The following ACSF3 variants were observed in gnomAD, a reference collection of about 807,000 sequenced individuals.
ACSF3 encodes malonate--CoA ligase ACSF3, mitochondrial.
ACSF3 carries 78 observed loss-of-function variants against 53.2 expected under a neutral mutation model. That is an observed-to-expected ratio of 1.47 (90% CI 1.22 to 1.77). The LOEUF (loss-of-function observed/expected upper bound fraction) is 1.77. ACSF3 is among the 40% of genes most tolerant of loss of function. The probability of loss-of-function intolerance (pLI) is 0.00; values close to 1 mark genes in which losing one functional copy is unlikely to be tolerated. For missense variants in ACSF3, 937 were observed against 771.1 expected (o/e 1.22, Z -2.55); for synonymous variants, 414 against 333.1 (o/e 1.24, Z -2.65).
chr16:89,141,323 C>G (rs1276393253), intron 8 of ACSF3: 1 of 1,281,280 alleles, frequency 7.8e-7, no homozygotes, highest in Non-Finnish European at 1.0e-6. Flanking sequence ...GAGATGTCGA[C>G]CCTCGGAGCT....
chr16:89,119,467 TG>T (rs1906072715), intron 6 of ACSF3, among the ~76,000 whole-genome samples: 1 of 151,764 alleles, frequency 6.6e-6, no homozygotes, highest in African/African-American at 2.4e-5. Context: ...CTAGGGGAAG[TG>T]GGGGGCTGTG....
At chr16:89,145,571 G>C (rs1912768523) in intron 9 of ACSF3, among the ~76,000 whole-genome samples, 170 bp downstream of exon 9, 1 of 152,218 alleles carries the variant, frequency 6.6e-6, no homozygotes, top group African/African-American at 2.4e-5. Flanking sequence ...GCTAGTGGGG[G>C]TGCAGCCTGC....
At chr16:89,103,335 G>A (rs1314557723) in intron 4 of ACSF3, among the ~76,000 whole-genome samples, 1 of 152,242 alleles carries the variant, frequency 6.6e-6, no homozygotes, top group Non-Finnish European at 1.5e-5. Flanking sequence ...GACGAGTCTT[G>A]CGGAGCTGAT....
chr16:89,136,994 C>A (rs1212176205), intron 8 of ACSF3, among the ~76,000 whole-genome samples: 1 of 152,220 alleles, frequency 6.6e-6, no homozygotes, highest in Non-Finnish European at 1.5e-5. Flanking sequence ...CACGTGCCCT[C>A]GCTCAGAGAC....
At position 89,114,441 on chromosome 16, in the gene ACSF3, C is replaced by T. The variant is rs749101905; in HGVS notation, c.1080C>T (p.Ile360=). ...TLLERYGMTE[I]GMALSGPLTT... ...TGGAGCGGTATGGCATGACCGAGAT[C>T]GGCATGGCTCTGTCCGGGCCCCTGA... Residue 360 remains isoleucine, a synonymous_variant, in exon 6 of 11, where the codon ATC becomes ATT. Coordinates refer to ENST00000614302, the MANE Select transcript of ACSF3 (RefSeq NM_001243279.3). 5.0e-6 allele frequency: 8 copies of T among 1,613,484 alleles called. No homozygotes were observed. The highest frequency in any genetic ancestry group is 6.8e-6 in the Non-Finnish European group (8 of 1,180,010).
At chr16:89,138,760 G>A (rs1033239483) in intron 8 of ACSF3, among the ~76,000 whole-genome samples, 1 of 152,258 alleles carries the variant, frequency 6.6e-6, no homozygotes, top group Non-Finnish European at 1.5e-5. Context: ...TGTGCAGCCT[G>A]CAGGGCCACC....
chr16:89,114,670 C>G, intron 6 of ACSF3, 183 bp downstream of exon 6: 1 of 841,720 alleles, frequency 1.2e-6, no homozygotes, highest in Middle Eastern at 3.4e-4. Flanking sequence ...CTGGGTAGAT[C>G]AGCCTTCTCC....
intron 4 of ACSF3, among the ~76,000 whole-genome samples, chr16:89,105,460 C>T (rs1347940231): frequency 6.6e-6 from 1 of 152,164 alleles, no homozygotes; most frequent in Non-Finnish European, 1.5e-5. Flanking sequence ...GTGGGTGGTG[C>T]AGCGCCTGGT....
chr16:89,141,583 C>T (rs543453776), intron 8 of ACSF3, among the ~76,000 whole-genome samples: 1 of 152,324 alleles, frequency 6.6e-6, no homozygotes, highest in Admixed American at 6.5e-5. Context: ...AACGTCCAGG[C>T]CAAGGCGTCC....
intron 10 of ACSF3, 114 bp from the exon 11 acceptor site, chr16:89,153,976 C>A: frequency 1.8e-6 from 2 of 1,118,938 alleles, no homozygotes; most frequent in Non-Finnish European, 2.6e-6. Flanking sequence ...ATGGCCGAGG[C>A]GCCTGGCAAG....
At chr16:89,120,048 C>T (rs1053212187) in intron 6 of ACSF3, among the ~76,000 whole-genome samples, 24 of 152,258 alleles carry the variant, frequency 1.6e-4, no homozygotes, top group African/African-American at 5.5e-4. Flanking sequence ...GCCAGGGCCG[C>T]ACTCCATGAG....
Position 89,138,385 on chromosome 16 carries a change from G to T in ACSF3, c.1366+5123G>T, listed in dbSNP as rs73256041. 8.1e-3 allele frequency among the ~76,000 whole-genome samples: 1,231 copies of T among 152,334 alleles called. 20 individuals carry two copies. Among genetic ancestry groups the T allele is most frequent in the African/African-American group, 0.028 (1,175 of 41,564 alleles). ...CCATGCTGCCTTCACAGGACACTGG[G>T]CATCTCTGTGGGGCAAGGGAAGGAA... On this transcript the variant is annotated intron_variant, in intron 8 of 10. Transcript: ENST00000614302.
At chr16:89,121,039 A>C in intron 7 of ACSF3, 126 bp downstream of exon 7, 1 of 821,698 alleles carries the variant, frequency 1.2e-6, no homozygotes, top group South Asian at 1.6e-5. Flanking sequence ...AGCCCCCTGG[A>C]CACTGCAGGT....
intron 1 of ACSF3, among the ~76,000 whole-genome samples, chr16:89,097,858 A>T (rs943383101): frequency 6.6e-6 from 1 of 152,202 alleles, no homozygotes; most frequent in Non-Finnish European, 1.5e-5. Context: ...GAGAAGACTC[A>T]CACAGGACGT....
intron 8 of ACSF3, among the ~76,000 whole-genome samples, chr16:89,138,884 A>T (rs1036456993): frequency 2.3e-4 from 35 of 152,262 alleles, no homozygotes; most frequent in Admixed American, 3.9e-4. Context: ...TTTAAGCCAA[A>T]GTTACACACC....
chr16:89,096,286 C>G (rs1974607228), intron 1 of ACSF3, among the ~76,000 whole-genome samples: 1 of 152,122 alleles, frequency 6.6e-6, no homozygotes, highest in Non-Finnish European at 1.5e-5. Context: ...GGGCAGTGTC[C>G]CTCCACACTG....
At position 89,120,806 on chromosome 16, in the gene ACSF3, G is replaced by A. The variant is rs369854705; in HGVS notation, c.1132G>A (p.Val378Met). ...GTGTTTCTCCTCTCCTGTAGGTTCCGTGGGGACCCCACTGCCTGGAGTACA... is the reference window on the plus strand; with the variant it reads ...GTGTTTCTCCTCTCCTGTAGGTTCCATGGGGACCCCACTGCCTGGAGTACA... ...LTTAVRLPGSVGTPLPGVQVR... is the reference protein window; with the variant it reads ...LTTAVRLPGSMGTPLPGVQVR... The change falls in exon 7 of 11, where the codon GTG (valine) becomes ATG (methionine). Residue 378 changes from valine to methionine, a missense_variant. Physicochemically the swap from Val to Met is conservative, Grantham distance 21 (BLOSUM62 1). Coordinates refer to ENST00000614302, the MANE Select transcript of ACSF3 (RefSeq NM_001243279.3). The A allele has an allele frequency of 1.4e-5, 23 of 1,613,854 alleles. No individual in the cohort carries two copies. The highest frequency in any genetic ancestry group is 1.7e-5 in the Admixed American group (1 of 60,010).
chr16:89,114,287 C>T lies in ACSF3; in HGVS notation c.978-52C>T, dbSNP rs8182228. The stretch of plus-strand genomic sequence containing the variant: ...AGGGGCTAAACCTGCCACCTTTGCA[C>T]GCGAGAGCCACGTCCCAAGGGGCTA... On this transcript the variant is annotated intron_variant, in intron 5 of 10. Transcript: ENST00000614302. 208,586 of 1,609,880 alleles carry T rather than the reference C, an allele frequency of 0.13. 14,127 individuals are homozygous for T. Among genetic ancestry groups the T allele is most frequent in the Non-Finnish European group, 0.14 (165,165 of 1,178,762 alleles).
chr16:89,145,169 G>A lies in ACSF3; in HGVS notation c.1367-98G>A, dbSNP rs543506672. 548 of 1,612,746 alleles carry A rather than the reference G, an allele frequency of 3.4e-4. 9 individuals carry two copies. The highest frequency in any genetic ancestry group is 3.0e-3 in the South Asian group (274 of 90,454). On this transcript the variant is annotated intron_variant, in intron 8 of 10. Transcript: ENST00000614302. ...GAGCCCCCTTTCCTCAGAGGACACC[G>A]TGGTGTTTAAGGACGGCCAGTTAAC...
Sources: allele counts gnomAD v4.1 joint callset (sites outside exome capture counted in the v4.1 genomes callset), GRCh38; gene constraint gnomAD v4.1.1; transcripts MANE v1.5; gene names NCBI Gene and HGNC (gene_info 2026-07-23, HGNC 2026-07-21).